The following JMJD1C variants were observed in gnomAD, a reference collection of about 807,000 sequenced individuals.
The protein encoded by JMJD1C is jumonji domain containing 1C, also known as jumonji domain-containing protein 1C.
JMJD1C carries 31 observed loss-of-function variants against 245.3 expected under a neutral mutation model. That is an observed-to-expected ratio of 0.13 (90% CI 0.09 to 0.17). The LOEUF (loss-of-function observed/expected upper bound fraction) is 0.17, where lower values mean the gene tolerates loss of function less well. JMJD1C is among the 10% of genes least tolerant of loss of function. The probability of loss-of-function intolerance (pLI) is 1.00; values close to 1 mark genes in which losing one functional copy is unlikely to be tolerated. For missense variants in JMJD1C, 2,691 were observed against 3,000.2 expected (o/e 0.90, Z 2.41); for synonymous variants, 1,057 against 1,017.4 (o/e 1.04, Z -0.74).
chr10:63,312,259 C>T (rs1939328947), intron 2 of JMJD1C, among the ~76,000 whole-genome samples: 1 of 152,090 alleles, frequency 6.6e-6, no homozygotes, highest in South Asian at 2.1e-4. Flanking sequence ...AGGCATGCAT[C>T]ACCACGCCCA....
chr10:63,380,450 A>C lies in JMJD1C; in HGVS notation c.201T>G (p.Asp67Glu), dbSNP rs1947123678. ...VYVEFDDLEW[D>E]KREWVKVYED... ...CATAAACTTTAACCCACTCTCGTTT[A>C]TCCCATTCAAGATCATCAAATTCCA... Residue 67 changes from aspartate to glutamate, a missense_variant, in exon 2 of 26, where the codon GAT becomes GAG. Asp to Glu is a conservative substitution (Grantham distance 45). Transcript: ENST00000399262. 1.2e-6 allele frequency: 2 copies of C among 1,613,800 alleles called. No individual in the cohort carries two copies. The highest frequency in any genetic ancestry group is 2.2e-5 in the South Asian group (2 of 91,060).
At chr10:63,451,022 G>C (rs1290223950) in intron 1 of JMJD1C, among the ~76,000 whole-genome samples, 1 of 150,520 alleles carries the variant, frequency 6.6e-6, no homozygotes, top group East Asian at 1.9e-4. Context: ...ATCAACAATG[G>C]ACAATCTGAA....
At chr10:63,295,192 C>G (rs938563622) in intron 2 of JMJD1C, among the ~76,000 whole-genome samples, 1 of 151,940 alleles carries the variant, frequency 6.6e-6, no homozygotes, top group Non-Finnish European at 1.5e-5. Flanking sequence ...CTCCTCAGAT[C>G]AAGTGATCCT....
intron 10 of JMJD1C, among the ~76,000 whole-genome samples, chr10:63,206,166 A>T (rs1396913331): frequency 2.0e-5 from 3 of 152,214 alleles, no homozygotes; most frequent in Admixed American, 2.0e-4. Flanking sequence ...GCCTCAAAAT[A>T]TGTGTATGTG....
rs1417146575 is a variant in JMJD1C at position 63,207,337 on chromosome 10, T to C, written c.4332A>G (p.Gln1444=). The C allele has an allele frequency of 6.2e-7, 1 of 1,613,756 alleles. No individual in the cohort carries two copies. The change falls in exon 10 of 26, where the codon CAA becomes CAG. Residue 1444 remains glutamine (Q), a synonymous_variant. Transcript: ENST00000399262. The part of the protein sequence containing the change: ...SSKSVSQPVA[Q]KQECKVSTTA... The stretch of plus-strand genomic sequence containing the variant: ...TGGTGCTGACCTTGCATTCTTGTTT[T>C]TGAGCCACTGGCTGACTGACACTTT...
chr10:63,315,013 G>A (rs1939775826), intron 2 of JMJD1C, among the ~76,000 whole-genome samples: 3 of 145,118 alleles, frequency 2.1e-5, no homozygotes, highest in Non-Finnish European at 4.5e-5. Context: ...GAGTGCAGCA[G>A]CACGATCTTG....
intron 1 of JMJD1C, among the ~76,000 whole-genome samples, chr10:63,485,974 A>G (rs1282180608): frequency 2.0e-5 from 3 of 151,980 alleles, no homozygotes; most frequent in African/African-American, 7.3e-5. Flanking sequence ...CCAACAGAAG[A>G]TATTAAATGG....
At chr10:63,429,298 CAG>C (rs1354963162) in intron 1 of JMJD1C, among the ~76,000 whole-genome samples, 1 of 151,806 alleles carries the variant, frequency 6.6e-6, no homozygotes, top group Non-Finnish European at 1.5e-5. Context: ...TTTTTTAACT[CAG>C]GGGGAATAGC....
intron 2 of JMJD1C, 29 bp downstream of exon 2, chr10:63,380,289 A>C (rs1304271217): frequency 1.9e-6 from 3 of 1,609,904 alleles, no homozygotes; most frequent in Non-Finnish European, 1.7e-6. Flanking sequence ...ACAAATGAAA[A>C]TGCTTAATGA....
intron 3 of JMJD1C, chr10:63,222,282 G>T (rs1342123825): frequency 3.0e-6 from 3 of 994,378 alleles, no homozygotes; most frequent in Admixed American, 3.4e-5. Flanking sequence ...GTCGAGATTG[G>T]TGTTAAAAAG....
At chr10:63,268,853 G>A (rs757465186) in intron 2 of JMJD1C, 82 of 985,680 alleles carry the variant, frequency 8.3e-5, no homozygotes, top group Non-Finnish European at 9.4e-5. Flanking sequence ...TTGCAGCGGC[G>A]TCATTGTATA....
At chr10:63,377,202 G>A (rs969759943) in intron 2 of JMJD1C, among the ~76,000 whole-genome samples, 3 of 152,164 alleles carry the variant, frequency 2.0e-5, no homozygotes, top group Admixed American at 6.5e-5. Context: ...ACATTCATAT[G>A]AGATACTCAG....
chr10:63,465,781 G>C lies in JMJD1C; in HGVS notation c.-119C>G. ...CCGGGACACAGCAGCGGACCCGAAA[G>C]AGCGCAGACTCGGGACGAACCGGCC... On this transcript the variant is annotated 5_prime_UTR_variant, in exon 1 of 26. Coordinates refer to ENST00000399262, the MANE Select transcript of JMJD1C (RefSeq NM_032776.3). 1 of 1,239,246 alleles carries C rather than the reference G, an allele frequency of 8.1e-7. No individual in the cohort carries two copies. Among genetic ancestry groups the C allele is most frequent in the Non-Finnish European group, 1.1e-6 (1 of 870,610 alleles). 76.8% of individuals were successfully genotyped at this position (1,239,246 alleles called of 1,614,324 possible). A position where few individuals can be genotyped will look rare whatever the true frequency, so the allele number is the denominator to read the frequency against.
intron 1 of JMJD1C, among the ~76,000 whole-genome samples, chr10:63,473,905 T>G (rs570410433): frequency 6.6e-6 from 1 of 151,910 alleles, no homozygotes; most frequent in South Asian, 2.1e-4. Flanking sequence ...TAGTTGGGCA[T>G]GGTGATGGGC....
intron 1 of JMJD1C, among the ~76,000 whole-genome samples, chr10:63,480,758 T>TAA (rs34474669): frequency 2.7e-4 from 40 of 150,050 alleles, no homozygotes; most frequent in Non-Finnish European, 4.9e-4. Context: ...ATCACTCAGT[T>TAA]AAAAAAAAAA....
intron 2 of JMJD1C, among the ~76,000 whole-genome samples, chr10:63,267,754 T>A (rs964253781): frequency 6.6e-6 from 1 of 152,186 alleles, no homozygotes; most frequent in Admixed American, 6.5e-5. Context: ...GAGTTTTTTT[T>A]AAGGTCATTT....
At chr10:63,203,303 G>A in intron 10 of JMJD1C, 1 of 982,142 alleles carries the variant, frequency 1.0e-6, no homozygotes. Context: ...AGAAGTTTGA[G>A]ATTAAGACAC....
rs1253706473 is a variant in JMJD1C at position 63,508,169 on chromosome 10, CTG to C, written n.113+13567_113+13568del. On this transcript the variant is annotated intron_variant and non_coding_transcript_variant, in intron 1 of 3. Coordinates refer to the JMJD1C transcript ENST00000633035. ...GATTGTAATCTGCCTGGTGTAAGGTCTGTGTCTTGATTGATTTCTTTTGCATG... is the reference window on the plus strand; with the variant it reads ...GATTGTAATCTGCCTGGTGTAAGGTCTGTCTTGATTGATTTCTTTTGCATG... Among the ~76,000 whole-genome samples the C allele has an allele frequency of 6.6e-5, 10 of 152,280 alleles. No individual in the cohort carries two copies. In the South Asian group the frequency reaches 2.1e-3, roughly 32 times the overall value.
chr10:63,470,696 TCTGA>T (rs1256894414), upstream of JMJD1C, among the ~76,000 whole-genome samples: 3 of 152,104 alleles, frequency 2.0e-5, no homozygotes, highest in Admixed American at 6.5e-5. Context: ...AACATAACTT[TCTGA>T]CTATCTTCTT....
Sources: allele counts gnomAD v4.1 joint callset (sites outside exome capture counted in the v4.1 genomes callset), GRCh38; gene constraint gnomAD v4.1.1; transcripts MANE v1.5; gene names NCBI Gene and HGNC (gene_info 2026-07-23, HGNC 2026-07-21).